The following THADA variants were observed in gnomAD, a reference collection of about 807,000 sequenced individuals.
THADA encodes the protein THADA armadillo repeat containing, also known as tRNA (32-2'-O)-methyltransferase regulator THADA.
In THADA, 213 loss-of-function variants were observed where a neutral mutation model predicts 219.8. That is an observed-to-expected ratio of 0.97 (90% CI 0.87 to 1.09). THADA has a LOEUF of 1.09. THADA is among the 50% of genes least tolerant of loss of function. THADA has a pLI of 0.00. For missense variants in THADA, 2,956 were observed against 2,311.3 expected, an observed-to-expected ratio of 1.28 and a Z score of -5.72; for synonymous variants, 1,018 against 828.9, an observed-to-expected ratio of 1.23 and a Z score of -3.92.
At chr2:43,494,184 A>C (rs1043187502) in intron 25 of THADA, among the ~76,000 whole-genome samples, 1 of 152,208 alleles carries the variant, frequency 6.6e-6, no homozygotes, top group African/African-American at 2.4e-5. Flanking sequence ...TTGACCAGTA[A>C]AAGACAAACA....
chr2:43,537,495 T>C (rs1272800401), intron 21 of THADA, among the ~76,000 whole-genome samples: 2 of 152,216 alleles, frequency 1.3e-5, no homozygotes, highest in Non-Finnish European at 2.9e-5. Flanking sequence ...ATTTGTAATT[T>C]CTAAAAAATA....
In THADA at chr2:43,526,927, G is replaced by T. The variant is rs6755910; in HGVS notation, c.3374+952C>A. On this transcript the variant is annotated intron_variant, in intron 22 of 37. Transcript: ENST00000405975. The stretch of plus-strand genomic sequence containing the variant: ...GTGTTGTGTTTTGAGGGAAAAAAAA[G>T]TTCATAAGTCATATCTACACTGGAA... Among the ~76,000 whole-genome samples, 607 of 151,966 alleles carry T rather than the reference G, an allele frequency of 4.0e-3. 7 individuals are homozygous for T. Among genetic ancestry groups the T allele is most frequent in the African/African-American group, 0.014 (564 of 41,426 alleles).
chr2:43,555,441 CTTTG>C (rs974304508), intron 17 of THADA, among the ~76,000 whole-genome samples: 8 of 151,428 alleles, frequency 5.3e-5, no homozygotes, highest in African/African-American at 1.7e-4. Context: ...TTTAAACATT[CTTTG>C]TATGTTTGAA....
chr2:43,303,489 G>A (rs1676492080), intron 31 of THADA, among the ~76,000 whole-genome samples: 1 of 152,040 alleles, frequency 6.6e-6, no homozygotes, highest in African/African-American at 2.4e-5. Flanking sequence ...CTCTCTAGAG[G>A]AGAAGCATAA....
intron 24 of THADA, among the ~76,000 whole-genome samples, chr2:43,502,313 G>T (rs570729707): frequency 1.4e-4 from 22 of 152,250 alleles, no homozygotes; most frequent in African/African-American, 4.3e-4. Flanking sequence ...AGTCAGGTGT[G>T]GTGGCTCACG....
chr2:43,306,928 C>A (rs1036529207), intron 31 of THADA, among the ~76,000 whole-genome samples: 2 of 152,104 alleles, frequency 1.3e-5, no homozygotes, highest in Non-Finnish European at 2.9e-5. Flanking sequence ...TGTAATGTGA[C>A]TATTCACAAT....
chr2:43,528,867 G>A (rs1211121591), intron 21 of THADA, among the ~76,000 whole-genome samples: 1 of 151,730 alleles, frequency 6.6e-6, no homozygotes, highest in Non-Finnish European at 1.5e-5. Context: ...ACAATTAAGT[G>A]GCATAAGTAC....
At position 43,286,922 on chromosome 2, in the gene THADA, G is replaced by T. The variant is rs754071648; in HGVS notation, c.5150C>A (p.Pro1717His). The change falls in exon 35 of 38, where the codon CCC (proline) becomes CAC (histidine). Residue 1717 changes from proline (P) to histidine (H), a missense_variant. Coordinates refer to ENST00000405975, the MANE Select transcript of THADA (RefSeq NM_022065.5). ...GGCGCACTTACCAAGAATAGGATGGGGGTTGGTGAGGAAAAGTGGTGTAGT... is the reference window on the plus strand; with the variant it reads ...GGCGCACTTACCAAGAATAGGATGGTGGTTGGTGAGGAAAAGTGGTGTAGT... ...TSTTPLFLTNPHPILELQDTL... is the reference protein window; with the variant it reads ...TSTTPLFLTNHHPILELQDTL... The T allele has an allele frequency of 1.2e-6, 2 of 1,612,840 alleles. No individual in the cohort carries two copies. The highest frequency in any genetic ancestry group is 3.3e-5 in the Admixed American group (2 of 59,990).
At chr2:43,566,332 A>T in intron 15 of THADA, 1 of 564,818 alleles carries the variant, frequency 1.8e-6, no homozygotes, top group Non-Finnish European at 3.2e-6. Flanking sequence ...CTCACTGAGA[A>T]ATATTAAATA....
At chr2:43,317,457 C>G (rs1384140467) in intron 31 of THADA, among the ~76,000 whole-genome samples, 1 of 152,178 alleles carries the variant, frequency 6.6e-6, no homozygotes, top group African/African-American at 2.4e-5. Flanking sequence ...TATGCTAAAA[C>G]TATAATATCA....
chr2:43,245,440 T>TG (rs1311915614), intron 36 of THADA, among the ~76,000 whole-genome samples: 2 of 152,186 alleles, frequency 1.3e-5, no homozygotes. Context: ...CCCAACGTGC[T>TG]GGGATTATAG....
At chr2:43,452,935 A>G (rs1558784365) in intron 26 of THADA, among the ~76,000 whole-genome samples, 1 of 152,132 alleles carries the variant, frequency 6.6e-6, no homozygotes, top group Non-Finnish European at 1.5e-5. Flanking sequence ...CCCCAAAAAA[A>G]CATCTAACTC....
At chr2:43,467,181 C>CAAAAAAAAAAA in intron 26 of THADA, among the ~76,000 whole-genome samples, 1 of 58,390 alleles carries the variant, frequency 1.7e-5, no homozygotes, top group Non-Finnish European at 3.3e-5. Flanking sequence ...GACTCCGTCT[C>CAAAAAAAAAAA]AAAAAAAAAA....
intron 31 of THADA, among the ~76,000 whole-genome samples, chr2:43,306,304 G>A (rs536493322): frequency 6.6e-6 from 1 of 152,154 alleles, no homozygotes; most frequent in Non-Finnish European, 1.5e-5. Context: ...GAGGTACTGC[G>A]CTCGGCCTAC....
At chr2:43,584,285 C>A (rs924584558) in intron 7 of THADA, among the ~76,000 whole-genome samples, 1 of 152,140 alleles carries the variant, frequency 6.6e-6, no homozygotes, top group Non-Finnish European at 1.5e-5. Context: ...TAACTGTCAA[C>A]TGATGTCCAT....
At chr2:43,419,047 C>T (rs758006470) in intron 28 of THADA, among the ~76,000 whole-genome samples, 1 of 152,140 alleles carries the variant, frequency 6.6e-6, no homozygotes, top group Non-Finnish European at 1.5e-5. Flanking sequence ...GGCTATAAAA[C>T]AAAGGAGAGG....
intron 26 of THADA, among the ~76,000 whole-genome samples, chr2:43,451,015 T>A (rs1037423958): frequency 2.8e-4 from 43 of 152,202 alleles, no homozygotes; most frequent in African/African-American, 1.0e-3. Context: ...ATTCTGAACA[T>A]AAATGGTGGT....
chr2:43,280,990 G>C (rs1026592014), intron 35 of THADA, among the ~76,000 whole-genome samples: 1 of 152,212 alleles, frequency 6.6e-6, no homozygotes, highest in African/African-American at 2.4e-5. Context: ...CTCCCAGAAA[G>C]GGGTACCTCT....
intron 13 of THADA, 143 bp from the exon 14 acceptor site, chr2:43,570,653 T>G (rs1699191108): frequency 1.1e-6 from 1 of 887,592 alleles, no homozygotes; most frequent in African/African-American, 1.7e-5. Context: ...TGTTTCTTTT[T>G]GACAGAAAAT....
Sources: allele counts gnomAD v4.1 joint callset (sites outside exome capture counted in the v4.1 genomes callset), GRCh38; gene constraint gnomAD v4.1.1; transcripts MANE v1.5; gene names NCBI Gene and HGNC (gene_info 2026-07-23, HGNC 2026-07-21).